USH1C: variants seen among roughly 807,000 people sequenced by gnomAD.
The protein encoded by USH1C is USH1 protein network component harmonin.
Under a neutral mutation model 119.3 loss-of-function variants are expected in USH1C, and 90 were observed. The observed-to-expected ratio is 0.75, with a 90% CI of 0.64 to 0.90. USH1C has a LOEUF of 0.90. Among genes scored for constraint, USH1C ranks in the 40% least tolerant of loss-of-function variants. The pLI, the probability that USH1C is intolerant of heterozygous loss-of-function variation, is 0.00. For missense variants in USH1C, 1,165 were observed against 1,167.7 expected (o/e 1.00, Z 0.03); for synonymous variants, 465 against 443.3 (o/e 1.05, Z -0.62).
At chr11:17,521,305 T>A (rs1043145474) in intron 13 of USH1C, 41 bp downstream of exon 13, 6 of 1,606,356 alleles carry the variant, frequency 3.7e-6, no homozygotes, top group Non-Finnish European at 5.1e-6. Flanking sequence ...CTGAGCACAC[T>A]GATGTTCATG....
At position 17,524,499 on chromosome 11, in the gene USH1C, A is replaced by C; in HGVS notation, c.711T>G (p.Phe237Leu). The C allele has an allele frequency of 1.3e-6, 2 of 1,572,690 alleles. No homozygotes were observed. Among genetic ancestry groups the C allele is most frequent in the Non-Finnish European group, 8.6e-7 (1 of 1,157,270 alleles). Residue 237 changes from phenylalanine to leucine, a missense_variant, in exon 9 of 27, where the codon TTT becomes TTG. Coordinates refer to ENST00000005226, the MANE Select transcript of USH1C (RefSeq NM_153676.4). ...GGGAGCCAGGTTTCACATGGCTGAT[A>C]AAGATGCCAGGCTTCTGGATGGGGC... ...SSGPIQKPGI[F>L]ISHVKPGSLS...
At position 17,509,580 on chromosome 11, in the gene USH1C, G is replaced by T; in HGVS notation, c.1789C>A (p.Gln597Lys). 6.2e-7 allele frequency: 1 copy of T among 1,600,538 alleles called. No homozygotes were observed. ...HVSASSSPWV[Q>K]RTPPPIPIPP... Reference sequence around the variant, plus strand: ...ATGGGAATGGGGGGTGGAGTGCGCTGCACCCATGGAGAGGATGAGGCGCTC... The same window carrying T: ...ATGGGAATGGGGGGTGGAGTGCGCTTCACCCATGGAGAGGATGAGGCGCTC... The change falls in exon 18 of 27, where the codon CAG (glutamine) becomes AAG (lysine). Residue 597 changes from glutamine to lysine, a missense_variant. Coordinates refer to ENST00000005226, the MANE Select transcript of USH1C (RefSeq NM_153676.4).
rs1003212652 is a variant in USH1C at position 17,506,061 on chromosome 11, C to A, written c.2014-112G>T. 19 of 1,509,140 alleles carry A rather than the reference C, an allele frequency of 1.3e-5. No individual in the cohort carries two copies. In the African/African-American group the frequency reaches 1.9e-4, roughly 15 times the overall value. 93.5% of individuals were successfully genotyped at this position (1,509,140 alleles called of 1,614,324 possible). A position where few individuals can be genotyped will look rare whatever the true frequency, so the allele number is the denominator to read the frequency against. ...TACACCCATGCATATGTGAAGCCAG[C>A]CTGGTCATTCAACTGCTCGAGGTCC... On this transcript the variant is annotated intron_variant, in intron 18 of 26. Coordinates refer to ENST00000005226, the MANE Select transcript of USH1C (RefSeq NM_153676.4).
At chr11:17,517,508 C>T in intron 14 of USH1C, 1 of 1,563,010 alleles carries the variant, frequency 6.4e-7, no homozygotes, top group East Asian at 2.4e-5. Context: ...GCTGGTGAAC[C>T]AAAAGGGACT....
chr11:17,519,332 A>G (rs1850308609), intron 14 of USH1C, among the ~76,000 whole-genome samples: 1 of 152,244 alleles, frequency 6.6e-6, no homozygotes, highest in Non-Finnish European at 1.5e-5. Flanking sequence ...GGGGTCATCC[A>G]TCCTGTGCTT....
chr11:17,508,008 A>ATCTCC (rs1393202599), intron 18 of USH1C, among the ~76,000 whole-genome samples: 1 of 151,968 alleles, frequency 6.6e-6, no homozygotes, highest in East Asian at 1.9e-4. Flanking sequence ...AGGCATGTCA[A>ATCTCC]TCTCCTCTGC....
intron 23 of USH1C, 47 bp from the exon 24 acceptor site, chr11:17,498,318 G>C (rs771029915): frequency 2.5e-6 from 4 of 1,568,640 alleles, no homozygotes; most frequent in Non-Finnish European, 3.5e-6. Context: ...TATGTGACAC[G>C]TGCCTGGCCC....
rs556221893 is a variant in USH1C at position 17,522,901 on chromosome 11, C to T, written c.902G>A (p.Arg301Gln). 9.3e-6 allele frequency: 15 copies of T among 1,612,678 alleles called. No individual in the cohort carries two copies. Among genetic ancestry groups the T allele is most frequent in the East Asian group, 8.9e-5 (4 of 44,810 alleles). The change falls in exon 12 of 27, where the codon CGG becomes CAG. Residue 301 changes from arginine (R) to glutamine (Q), a missense_variant. Transcript: ENST00000005226. The stretch of plus-strand genomic sequence containing the variant: ...CTGCCGCGCCTCTGCCAGCCGCTCC[C>T]GGTCTGTCATGAACAGCTCCCGGCC... ...AAGRELFMTDRERLAEARQRE... is the reference protein window; with the variant it reads ...AAGRELFMTDQERLAEARQRE...
At chr11:17,524,561 C>G in intron 8 of USH1C, 26 bp from the exon 9 acceptor site, 1 of 1,552,476 alleles carries the variant, frequency 6.4e-7, no homozygotes. Flanking sequence ...AATGTGTGCT[C>G]GGGATTCAGG....
intron 14 of USH1C, among the ~76,000 whole-genome samples, chr11:17,519,728 G>T (rs545068387): frequency 6.6e-6 from 1 of 152,184 alleles, no homozygotes; most frequent in Non-Finnish European, 1.5e-5. Flanking sequence ...CTTCTGAGAG[G>T]ACCAGGAGAT....
At position 17,498,195 on chromosome 11, in the gene USH1C, C is replaced by G. The variant is rs1064074; in HGVS notation, c.2457G>C (p.Glu819Asp). ...GATTCCAGGCCTTCTGCAGGGCAGCCTCAGCCTCAGCCAGGGTGTAGTCTG... is the reference window on the plus strand; with the variant it reads ...GATTCCAGGCCTTCTGCAGGGCAGCGTCAGCCTCAGCCAGGGTGTAGTCTG... ...IVTDYTLAEA[E>D]AALQKAWNQG... Residue 819 changes from glutamate (E) to aspartate (D), a missense_variant, in exon 24 of 27, where the codon GAG (glutamate) becomes GAC (aspartate). By Grantham distance (45) the Glu-to-Asp change is conservative. Transcript: ENST00000005226. The G allele has an allele frequency of 0.52, 846,958 of 1,613,664 alleles. 225,739 individuals are homozygous for G. The highest frequency in any genetic ancestry group is 0.55 in the Non-Finnish European group (653,752 of 1,179,774).
intron 26 of USH1C, 85 bp downstream of exon 26, chr11:17,495,484 A>G: frequency 2.1e-6 from 3 of 1,418,586 alleles, no homozygotes; most frequent in Non-Finnish European, 3.0e-6. Context: ...CGCCAGTCCA[A>G]AGAACCTGCT....
intron 25 of USH1C, among the ~76,000 whole-genome samples, chr11:17,496,180 G>A (rs1299777544): frequency 6.6e-6 from 1 of 151,872 alleles, no homozygotes; most frequent in Non-Finnish European, 1.5e-5. Flanking sequence ...AGGAAGGAAA[G>A]GGTGAAAGAA....
intron 16 of USH1C, among the ~76,000 whole-genome samples, 172 bp downstream of exon 16, chr11:17,511,730 C>T (rs753188952): frequency 2.0e-5 from 3 of 152,218 alleles, no homozygotes; most frequent in Non-Finnish European, 4.4e-5. Flanking sequence ...CCTCAGATGG[C>T]CCTGGGCAGG....
intron 23 of USH1C, 70 bp from the exon 24 acceptor site, chr11:17,498,341 A>AG (rs1307883854): frequency 1.6e-5 from 22 of 1,414,344 alleles, no homozygotes; most frequent in Non-Finnish European, 2.0e-5. Context: ...GGCTTGGCAA[A>AG]GGGGGGTCAT....
chr11:17,498,917 C>T (rs1044411062), intron 23 of USH1C, among the ~76,000 whole-genome samples: 1 of 152,170 alleles, frequency 6.6e-6, no homozygotes, highest in Non-Finnish European at 1.5e-5. Context: ...CCATAATATC[C>T]CCAGCACTTA....
At position 17,501,039 on chromosome 11, in the gene USH1C, G is replaced by GTCTCCAC; in HGVS notation, c.2380+5_2380+11dup. 6.2e-7 allele frequency: 1 copy of GTCTCCAC among 1,610,140 alleles called. No individual in the cohort carries two copies. Among genetic ancestry groups the GTCTCCAC allele is most frequent in the Non-Finnish European group, 8.5e-7 (1 of 1,177,790 alleles). ...TCATCCCCAAACCTGGGTGTGGCTAGTCTCCACTCACCATGCCGCTCAGCA... is the reference window on the plus strand; with the variant it reads ...TCATCCCCAAACCTGGGTGTGGCTAGTCTCCACTCTCCACTCACCATGCCGCTCAGCA... On this transcript the variant is annotated intron_variant, in intron 23 of 26. Transcript: ENST00000005226.
rs2041031 is a variant in USH1C at position 17,521,039 on chromosome 11, T to C, written c.1086-45A>G. The stretch of plus-strand genomic sequence containing the variant: ...CCTGTTACTGGAGTCAGAACCCCCA[T>C]AGGCCCATCTCCTGCATATCGGAGA... On this transcript the variant is annotated intron_variant, in intron 13 of 26. Coordinates refer to ENST00000005226, the MANE Select transcript of USH1C (RefSeq NM_153676.4). The C allele has an allele frequency of 0.6, 971,962 of 1,607,698 alleles. 296,013 individuals carry two copies. Among genetic ancestry groups the C allele is most frequent in the South Asian group, 0.72 (65,410 of 90,992 alleles).
intron 12 of USH1C, among the ~76,000 whole-genome samples, chr11:17,522,393 G>A (rs989141497): frequency 5.9e-5 from 9 of 152,106 alleles, no homozygotes; most frequent in African/African-American, 2.2e-4. Context: ...TCTAAAATGG[G>A]GTTAATACTC....
Sources: gnomAD v4.1 joint callset for allele counts (sites outside exome capture counted in the v4.1 genomes callset) on GRCh38, gnomAD v4.1.1 for gene constraint, MANE v1.5 for transcripts, NCBI Gene and HGNC (gene_info 2026-07-23, HGNC 2026-07-21) for gene names.